Variants in KLHL6 observed in about 807,000 individuals in gnomAD.
The protein encoded by KLHL6 is kelch like family member 6, also known as kelch-like protein 6.
Under a neutral mutation model 58.6 loss-of-function variants are expected in KLHL6, and 41 were observed. The ratio of observed to expected loss-of-function variants is 0.70; its 90% confidence interval spans 0.55 to 0.91. KLHL6 has a LOEUF of 0.91. Ranked by LOEUF, KLHL6 falls within the 40% of genes least tolerant of loss-of-function variation. The probability of loss-of-function intolerance (pLI) is 0.00; values close to 1 mark genes in which losing one functional copy is unlikely to be tolerated. For missense variants in KLHL6, 714 were observed against 805.6 expected (o/e 0.89, Z 1.38); for synonymous variants, 338 against 322.7 (o/e 1.05, Z -0.51).
intron 1 of KLHL6, among the ~76,000 whole-genome samples, chr3:183,530,548 G>A (rs894532081): frequency 3.9e-5 from 6 of 152,160 alleles, no homozygotes; most frequent in African/African-American, 9.7e-5. Flanking sequence ...GGGGAGAGGG[G>A]TGAATTAGAA....
intron 2 of KLHL6, among the ~76,000 whole-genome samples, chr3:183,517,670 C>T (rs779669365): frequency 1.4e-4 from 21 of 152,154 alleles, no homozygotes; most frequent in Non-Finnish European, 2.4e-4. Context: ...CAGCAAACAG[C>T]CCCTGAGTTT....
intron 1 of KLHL6, among the ~76,000 whole-genome samples, chr3:183,534,830 C>T (rs1010816540): frequency 9.9e-5 from 15 of 151,830 alleles, no homozygotes; most frequent in Middle Eastern, 3.4e-3. Context: ...AATGCGATAA[C>T]TTACATTCTT....
chr3:183,511,738 C>T (rs1342024122), intron 2 of KLHL6, among the ~76,000 whole-genome samples: 2 of 152,162 alleles, frequency 1.3e-5, no homozygotes, highest in African/African-American at 2.4e-5. Flanking sequence ...AGCCCTAGAT[C>T]CCTTAAACCT....
rs1553806806 is a variant in KLHL6 at position 183,492,547 on chromosome 3, A to G, written c.1511T>C (p.Val504Ala). Residue 504 changes from valine to alanine, a missense_variant, in exon 6 of 7, where the codon GTG becomes GCG. By Grantham distance (64) the Val-to-Ala change is moderately conservative (BLOSUM62 0). Around this residue, in one of 2 missense-constraint regions of KLHL6, gnomAD observed 510 missense variants for 629.7 expected, o/e 0.81. Coordinates refer to ENST00000341319, the MANE Select transcript of KLHL6 (RefSeq NM_130446.4). The surrounding 1 kb of genome is among the most constrained non-coding windows in gnomAD (Gnocchi z 5.9). ...CACTGCATTGATGCATTTAGCCTCC[A>G]CGGGCATGGCCGCCTTCAAACTCCA... ...NKWSLKAAMP[V>A]EAKCINAVSF... 6.2e-7 allele frequency: 1 copy of G among 1,614,236 alleles called. No homozygotes were observed. The highest frequency in any genetic ancestry group is 8.5e-7 in the Non-Finnish European group (1 of 1,180,046).
chr3:183,501,012 G>A (rs1717852466), intron 3 of KLHL6, among the ~76,000 whole-genome samples: 1 of 152,200 alleles, frequency 6.6e-6, no homozygotes, highest in Non-Finnish European at 1.5e-5. Flanking sequence ...TTGGTTTTCT[G>A]TGCCTAGGAG....
intron 1 of KLHL6, among the ~76,000 whole-genome samples, chr3:183,535,731 C>T (rs1006346987): frequency 6.6e-6 from 1 of 152,306 alleles, no homozygotes; most frequent in Non-Finnish European, 1.5e-5. Flanking sequence ...TTATTGGGCT[C>T]TCTAGGGTCA....
intron 2 of KLHL6, among the ~76,000 whole-genome samples, chr3:183,514,132 A>G (rs1718264035): frequency 1.3e-5 from 2 of 152,216 alleles, no homozygotes; most frequent in Admixed American, 6.5e-5. Flanking sequence ...AGGTGAGCAG[A>G]GACAAAGCGC....
At position 183,499,932 on chromosome 3, in the gene KLHL6, A is replaced by G; in HGVS notation, c.910-105T>C. On this transcript the variant is annotated intron_variant, in intron 3 of 6. Transcript: ENST00000341319. This position sits in a 1 kb window ranked among gnomAD's most constrained non-coding sequence, Gnocchi z 4.6. Reference sequence around the variant, plus strand: ...GTCCAATTCCCATATCTGCCACGGTATGACCATGTGACTTCACCTCCCTGA... The same window carrying G: ...GTCCAATTCCCATATCTGCCACGGTGTGACCATGTGACTTCACCTCCCTGA... The G allele has an allele frequency of 5.3e-6, 4 of 758,390 alleles. No individual in the cohort carries two copies. The highest frequency in any genetic ancestry group is 2.9e-4 in the Middle Eastern group (1 of 3,422). 47.0% of individuals were successfully genotyped at this position (758,390 alleles called of 1,614,324 possible). A position where few individuals can be genotyped will look rare whatever the true frequency, so the allele number is the denominator to read the frequency against.
chr3:183,531,443 G>T (rs56034278), intron 1 of KLHL6, among the ~76,000 whole-genome samples: 3,548 of 90,036 alleles, frequency 0.039, 212 homozygotes, highest in Non-Finnish European at 0.049. Context: ...TTTTGTCTGT[G>T]TTTTTTTTTT....
At position 183,488,873 on chromosome 3, in the gene KLHL6, A is replaced by C. The variant is rs753474635; in HGVS notation, c.*3054T>G. On this transcript the variant is annotated 3_prime_UTR_variant, in exon 7 of 7. Transcript: ENST00000341319. ...AACCCTAGACCTTCTAACCAGGTGT[A>C]TCTGTTCCCTACCCATGCCATTATT... 6.6e-6 allele frequency: 1 copy of C among 152,196 alleles called. No homozygotes were observed. Among genetic ancestry groups the C allele is most frequent in the Non-Finnish European group, 1.5e-5 (1 of 68,030 alleles). The allele number at this position is 152,196 out of a possible 1,614,324, so 9.4% of individuals were successfully genotyped here.
intron 1 of KLHL6, among the ~76,000 whole-genome samples, chr3:183,550,434 C>A (rs143040706): frequency 6.6e-6 from 1 of 152,198 alleles, no homozygotes; most frequent in East Asian, 1.9e-4. Context: ...TACACACACA[C>A]ACACGCACGC....
intron 1 of KLHL6, among the ~76,000 whole-genome samples, chr3:183,534,116 ACTTTT>A (rs1306593295): frequency 4.0e-5 from 5 of 123,906 alleles, no homozygotes; most frequent in African/African-American, 1.2e-4. Context: ...AAAGTACTTT[ACTTTT>A]AAAGTACTTT....
intron 1 of KLHL6, among the ~76,000 whole-genome samples, chr3:183,535,794 T>C: frequency 6.6e-6 from 1 of 150,600 alleles, no homozygotes; most frequent in African/African-American, 2.5e-5. Context: ...GAATTCTTTT[T>C]GAGACGAGTC....
At chr3:183,543,087 G>A (rs1712608334) in intron 1 of KLHL6, among the ~76,000 whole-genome samples, 1 of 152,198 alleles carries the variant, frequency 6.6e-6, no homozygotes, top group South Asian at 2.1e-4. Flanking sequence ...GAGGTCAGGA[G>A]TTCAAGACCA....
rs1317332470 is a variant in KLHL6 at position 183,492,810 on chromosome 3, C to T, written c.1351-103G>A. Reference sequence around the variant, plus strand: ...CAGAGCTCCGGGACACAGAACTGGGCATCTTTTGCCTATAGTCACAAGGCC... The same window carrying T: ...CAGAGCTCCGGGACACAGAACTGGGTATCTTTTGCCTATAGTCACAAGGCC... On this transcript the variant is annotated intron_variant, in intron 5 of 6. Coordinates refer to ENST00000341319, the MANE Select transcript of KLHL6 (RefSeq NM_130446.4). The surrounding 1 kb of genome is among the most constrained non-coding windows in gnomAD (Gnocchi z 5.9). 2 of 1,027,146 alleles carry T rather than the reference C, an allele frequency of 1.9e-6. No individual in the cohort carries two copies. Among genetic ancestry groups the T allele is most frequent in the Non-Finnish European group, 2.9e-6 (2 of 693,104 alleles). The allele number at this position is 1,027,146 out of a possible 1,614,324, so 63.6% of individuals were successfully genotyped here.
At chr3:183,514,687 A>C (rs1295951731) in intron 2 of KLHL6, among the ~76,000 whole-genome samples, 1 of 149,070 alleles carries the variant, frequency 6.7e-6, no homozygotes, top group Admixed American at 6.7e-5. Flanking sequence ...TTTTTTTTTG[A>C]GATGGAGTCT....
chr3:183,507,764 T>C (rs1718050483), intron 3 of KLHL6, among the ~76,000 whole-genome samples: 1 of 152,148 alleles, frequency 6.6e-6, no homozygotes, highest in Non-Finnish European at 1.5e-5. Flanking sequence ...GCGTGCAGTG[T>C]GACCCCCAAC....
intron 1 of KLHL6, among the ~76,000 whole-genome samples, chr3:183,554,935 C>T (rs542729990): frequency 2.0e-5 from 3 of 152,230 alleles, no homozygotes; most frequent in South Asian, 4.1e-4. Flanking sequence ...GAGGCGGAGG[C>T]GGGTGGATCA....
chr3:183,492,023 G>T lies in KLHL6; in HGVS notation c.1770C>A (p.Cys590Ter). Residue 590 changes from cysteine to a stop codon, truncating the protein, a stop_gained, in exon 7 of 7, where the codon TGC (cysteine) becomes TGA (stop). Transcript: ENST00000341319. LOFTEE classifies it high-confidence loss of function. This position sits in a 1 kb window ranked among gnomAD's most constrained non-coding sequence, Gnocchi z 5.9. ...DPEAQKLTEE[C>*]VLPRGVSHHG... ...GGTGCGACACGCCCCGGGGCAGGACGCACTCCTCTGTCAGTTTCTGGGCCT... is the reference window on the plus strand; with the variant it reads ...GGTGCGACACGCCCCGGGGCAGGACTCACTCCTCTGTCAGTTTCTGGGCCT... The T allele has an allele frequency of 6.2e-7, 1 of 1,613,558 alleles. No homozygotes were observed.
Sources: allele counts gnomAD v4.1 joint callset (sites outside exome capture counted in the v4.1 genomes callset), GRCh38; gene constraint gnomAD v4.1.1; regional missense constraint gnomAD v4.1.1; non-coding constraint Gnocchi (gnomAD v3.1); transcripts MANE v1.5; gene names NCBI Gene and HGNC (gene_info 2026-07-23, HGNC 2026-07-21).